The following SLC1A7 variants were observed in gnomAD, a reference collection of about 807,000 sequenced individuals.
The protein encoded by SLC1A7 is solute carrier family 1 member 7, also known as excitatory amino acid transporter 5.
Under a neutral mutation model 47.7 loss-of-function variants are expected in SLC1A7, and 40 were observed. The observed-to-expected ratio is 0.84, with a 90% CI of 0.65 to 1.09. The LOEUF (loss-of-function observed/expected upper bound fraction) is 1.09. SLC1A7 is among the 50% of genes least tolerant of loss of function. The pLI, the probability that SLC1A7 is intolerant of heterozygous loss-of-function variation, is 0.00. For missense variants in SLC1A7, 746 were observed against 769.5 expected (o/e 0.97, Z 0.36); for synonymous variants, 323 against 325.6 (o/e 0.99, Z 0.09).
At chr1:53,134,132 C>T (rs1322958019) in intron 2 of SLC1A7, among the ~76,000 whole-genome samples, 1 of 152,208 alleles carries the variant, frequency 6.6e-6, no homozygotes, top group African/African-American at 2.4e-5. Context: ...ATCACCTGTT[C>T]TATCCACTAA....
intron 5 of SLC1A7, 46 bp from the exon 6 acceptor site, chr1:53,093,606 A>ATGTGGGCCTGTGGGTCTGT: frequency 1.4e-6 from 2 of 1,465,842 alleles, no homozygotes; most frequent in Non-Finnish European, 1.9e-6. Flanking sequence ...GGACAGACCC[A>ATGTGGGCCTGTGGGTCTGT]CAGGCCCACA....
chr1:53,088,408 C>T (rs572944115), intron 10 of SLC1A7, among the ~76,000 whole-genome samples, 181 bp from the exon 11 acceptor site: 1 of 152,152 alleles, frequency 6.6e-6, no homozygotes, highest in Non-Finnish European at 1.5e-5. Flanking sequence ...TCCCAAGCGT[C>T]CTGCCTCCCA....
chr1:53,109,839 G>T (rs1446219673), intron 3 of SLC1A7, among the ~76,000 whole-genome samples: 3 of 152,152 alleles, frequency 2.0e-5, no homozygotes, highest in African/African-American at 7.2e-5. Flanking sequence ...GGCGTGAGGG[G>T]CATTTGTACT....
intron 2 of SLC1A7, 53 bp from the exon 3 acceptor site, chr1:53,115,026 G>A (rs1644742954): frequency 2.1e-6 from 3 of 1,413,796 alleles, no homozygotes; most frequent in Admixed American, 1.8e-5. Context: ...GGCCTGGCTG[G>A]CACTCAGCGC....
chr1:53,109,645 T>C (rs1321188017), intron 3 of SLC1A7, among the ~76,000 whole-genome samples: 1 of 152,146 alleles, frequency 6.6e-6, no homozygotes, highest in Non-Finnish European at 1.5e-5. Context: ...TGGTCATCAG[T>C]GTTTTTGTTC....
intron 5 of SLC1A7, chr1:53,102,559 A>C (rs919185716): frequency 6.6e-6 from 1 of 152,436 alleles, no homozygotes; most frequent in Non-Finnish European, 1.5e-5. Context: ...AGAGGAGCAC[A>C]CGGGCCAGTC....
chr1:53,089,948 G>A lies in SLC1A7; in HGVS notation c.1227-14C>T, dbSNP rs1644401723. 1 of 1,612,622 alleles carries A rather than the reference G, an allele frequency of 6.2e-7. No individual in the cohort carries two copies. The highest frequency in any genetic ancestry group is 8.5e-7 in the Non-Finnish European group (1 of 1,179,578). On this transcript the variant is annotated splice_polypyrimidine_tract_variant and intron_variant, in intron 8 of 10. Transcript: ENST00000371494. Reference sequence around the variant, plus strand: ...GTGGCTGTGATACTGCAGGGGGTGGGAAGGGGAAGAGGAGCAGCAGGAGGG... The same window carrying A: ...GTGGCTGTGATACTGCAGGGGGTGGAAAGGGGAAGAGGAGCAGCAGGAGGG...
At chr1:53,106,970 C>A (rs1388913366) in intron 3 of SLC1A7, among the ~76,000 whole-genome samples, 3 of 152,072 alleles carry the variant, frequency 2.0e-5, no homozygotes, top group Non-Finnish European at 4.4e-5. Flanking sequence ...GCCTGGCCAA[C>A]ATGGCGAAAC....
chr1:53,095,731 C>T (rs188067992), intron 5 of SLC1A7, among the ~76,000 whole-genome samples: 13 of 149,146 alleles, frequency 8.7e-5, no homozygotes, highest in African/African-American at 2.7e-4. Flanking sequence ...CAACTTGCCT[C>T]GGTACACTCA....
chr1:53,110,826 G>T (rs1644694251), intron 3 of SLC1A7, among the ~76,000 whole-genome samples: 1 of 152,096 alleles, frequency 6.6e-6, no homozygotes, highest in Non-Finnish European at 1.5e-5. Context: ...CCACAGTGCG[G>T]CCGTGAGCCA....
chr1:53,116,017 G>A (rs1327287308), intron 2 of SLC1A7: 2 of 152,212 alleles, frequency 1.3e-5, no homozygotes, highest in Non-Finnish European at 2.9e-5. Flanking sequence ...TTTCCCCAAA[G>A]CCCTTTCATT....
At chr1:53,095,038 G>A (rs1412264645) in intron 5 of SLC1A7, among the ~76,000 whole-genome samples, 4 of 152,256 alleles carry the variant, frequency 2.6e-5, no homozygotes, top group Non-Finnish European at 4.4e-5. Context: ...CACAGGCACC[G>A]GCAGATGTGG....
At chr1:53,107,425 A>G (rs937027033) in intron 3 of SLC1A7, among the ~76,000 whole-genome samples, 4 of 152,188 alleles carry the variant, frequency 2.6e-5, no homozygotes, top group Middle Eastern at 3.2e-3. Flanking sequence ...TGTTGTACCA[A>G]TTTAATTTCT....
chr1:53,137,350 T>C (rs1645012961), intron 1 of SLC1A7, among the ~76,000 whole-genome samples: 1 of 151,020 alleles, frequency 6.6e-6, no homozygotes, highest in Non-Finnish European at 1.5e-5. Flanking sequence ...TCTATCCCTA[T>C]CTTGCAACTT....
chr1:53,105,612 C>T, intron 4 of SLC1A7, 120 bp downstream of exon 4: 1 of 837,940 alleles, frequency 1.2e-6, no homozygotes, highest in Non-Finnish European at 2.1e-6. Context: ...CATCCCACCT[C>T]CAGCAGACAG....
chr1:53,121,765 T>C (rs1644827712), intron 2 of SLC1A7, among the ~76,000 whole-genome samples: 1 of 152,120 alleles, frequency 6.6e-6, no homozygotes, highest in Non-Finnish European at 1.5e-5. Flanking sequence ...GGCTGAGCCG[T>C]GGCTGCACAC....
intron 9 of SLC1A7, 62 bp downstream of exon 9, chr1:53,089,738 C>A: frequency 6.4e-7 from 1 of 1,570,810 alleles, no homozygotes. Flanking sequence ...TCACCCTGAT[C>A]CCTGCTGACC....
Position 53,134,889 on chromosome 1 carries a change from C to T in SLC1A7, c.136-460G>A, listed in dbSNP as rs566446486. 6.6e-5 allele frequency among the ~76,000 whole-genome samples: 10 copies of T among 152,070 alleles called. 1 individual carries two copies. The South Asian group carries it at 1.0e-3, about 16-fold the overall frequency. On this transcript the variant is annotated intron_variant, in intron 1 of 10. Transcript: ENST00000371494. ...AACAGTAACTAATAATCAAATGGAG[C>T]GATTAGAATATACTGTAATAAAAGT...
intron 2 of SLC1A7, among the ~76,000 whole-genome samples, chr1:53,122,631 T>C (rs961326234): frequency 6.6e-6 from 1 of 152,162 alleles, no homozygotes; most frequent in Non-Finnish European, 1.5e-5. Context: ...TAAGGCAGCA[T>C]GCCCAGACTC....
Sources: allele counts gnomAD v4.1 joint callset (sites outside exome capture counted in the v4.1 genomes callset), GRCh38; gene constraint gnomAD v4.1.1; transcripts MANE v1.5; gene names NCBI Gene and HGNC (gene_info 2026-07-23, HGNC 2026-07-21).